Variants in RBFOX1 observed in about 807,000 individuals in gnomAD.
The protein encoded by RBFOX1 is RNA binding fox-1 homolog 1.
A neutral mutation model predicts 57.7 loss-of-function variants in RBFOX1; 8 were observed. The observed-to-expected ratio is 0.14, with a 90% CI of 0.08 to 0.25. RBFOX1 has a LOEUF of 0.25. Ranked by LOEUF, RBFOX1 falls within the 10% of genes least tolerant of loss-of-function variation. The pLI is 1.00. For synonymous variants in RBFOX1, 326 were observed against 222.4 expected (o/e 1.47, Z -4.15); for missense variants, 611 against 548.5 (o/e 1.11, Z -1.14).
At chr16:6,026,107 C>G (rs2152374252) in intron 1 of RBFOX1, among the ~76,000 whole-genome samples, 1 of 152,290 alleles carries the variant, frequency 6.6e-6, no homozygotes, top group East Asian at 1.9e-4. Context: ...GAAACTGTCC[C>G]TGTTTGCCTG....
chr16:7,474,303 A>C (rs990791278), intron 4 of RBFOX1, among the ~76,000 whole-genome samples: 2 of 151,644 alleles, frequency 1.3e-5, no homozygotes, highest in Non-Finnish European at 1.5e-5. Flanking sequence ...AACAGAAAAC[A>C]AACAAACAAA....
At chr16:6,904,112 A>T (rs376216744) in intron 3 of RBFOX1, among the ~76,000 whole-genome samples, 1 of 152,122 alleles carries the variant, frequency 6.6e-6, no homozygotes, top group East Asian at 1.9e-4. Flanking sequence ...CCACCCCTAT[A>T]CCTAATAGTG....
intron 4 of RBFOX1, among the ~76,000 whole-genome samples, chr16:7,186,362 TTATA>T (rs1567618213): frequency 2.7e-5 from 1 of 36,588 alleles, no homozygotes; most frequent in African/African-American, 2.2e-4. Flanking sequence ...ATAAACATAT[TTATA>T]TAAATATAAA....
chr16:6,920,020 A>G (rs1277771667), intron 3 of RBFOX1, among the ~76,000 whole-genome samples: 5 of 151,940 alleles, frequency 3.3e-5, no homozygotes, highest in Non-Finnish European at 7.4e-5. Context: ...CCCTTATAAG[A>G]CGGAAAATAT....
intron 3 of RBFOX1, among the ~76,000 whole-genome samples, chr16:5,831,934 C>T (rs942812995): frequency 2.6e-5 from 4 of 152,084 alleles, no homozygotes; most frequent in African/African-American, 9.7e-5. Flanking sequence ...GAGTTCGGCA[C>T]ATGGTAAGTA....
rs531410537 is a variant in RBFOX1, at chr16:6,191,661, A to G, written c.-126-125334A>G. On this transcript the variant is annotated intron_variant, in intron 1 of 15. Transcript: ENST00000550418. ...CTGTAATTTTTTTGTTGCATGGTCC[A>G]AAAGGCAATTTCTGTTGCCTTTTTA... Among the ~76,000 whole-genome samples the G allele has an allele frequency of 3.2e-4, 48 of 152,328 alleles. No homozygotes were observed. The South Asian group carries it at 9.5e-3, about 30-fold the overall frequency.
At chr16:5,614,245 T>C (rs960140791) in intron 3 of RBFOX1, among the ~76,000 whole-genome samples, 8 of 152,108 alleles carry the variant, frequency 5.3e-5, no homozygotes, top group African/African-American at 1.7e-4. Flanking sequence ...ATTTTTAAAC[T>C]AGAAGAAAAC....
intron 1 of RBFOX1, among the ~76,000 whole-genome samples, chr16:5,301,079 C>G (rs569871507): frequency 2.0e-5 from 3 of 152,318 alleles, no homozygotes; most frequent in African/African-American, 7.2e-5. Context: ...AATCTAGTGA[C>G]TCACTTGTAA....
At chr16:6,931,093 GAATA>G (rs1402516605) in intron 3 of RBFOX1, among the ~76,000 whole-genome samples, 2 of 151,900 alleles carry the variant, frequency 1.3e-5, no homozygotes, top group Non-Finnish European at 2.9e-5. Flanking sequence ...AGCAGATATT[GAATA>G]AATACTTATT....
intron 4 of RBFOX1, among the ~76,000 whole-genome samples, chr16:5,890,191 T>A (rs2151933077): frequency 6.6e-6 from 1 of 152,344 alleles, no homozygotes; most frequent in Middle Eastern, 3.4e-3. Context: ...AGTACGATAC[T>A]GTACCTCTTT....
intron 3 of RBFOX1, among the ~76,000 whole-genome samples, chr16:6,674,561 A>G (rs1176156119): frequency 2.0e-5 from 3 of 152,068 alleles, no homozygotes; most frequent in African/African-American, 4.8e-5. Context: ...ACCTCAAGTG[A>G]TCCACCCACC....
intron 2 of RBFOX1, among the ~76,000 whole-genome samples, chr16:5,570,142 G>C (rs569950335): frequency 6.6e-6 from 1 of 152,258 alleles, no homozygotes; most frequent in African/African-American, 2.4e-5. Context: ...CAAATATTCG[G>C]AGGTTTATTG....
At chr16:7,430,645 G>T (rs2098670002) in intron 4 of RBFOX1, among the ~76,000 whole-genome samples, 1 of 136,786 alleles carries the variant, frequency 7.3e-6, no homozygotes, top group African/African-American at 2.9e-5. Context: ...GGGTGACAGA[G>T]TGAGACTCCA....
chr16:7,452,175 G>C lies in RBFOX1; in HGVS notation c.28-65972G>C, dbSNP rs139365694. Among the ~76,000 whole-genome samples, 659 of 152,340 alleles carry C rather than the reference G, an allele frequency of 4.3e-3. 4 individuals are homozygous for C. Among genetic ancestry groups the C allele is most frequent in the African/African-American group, 0.015 (634 of 41,572 alleles). ...CCAGCCAAGTTACAGGCAGGTGGCAGCTGTAAATACGCATATAAATAACAA... is the reference window on the plus strand; with the variant it reads ...CCAGCCAAGTTACAGGCAGGTGGCACCTGTAAATACGCATATAAATAACAA... On this transcript the variant is annotated intron_variant, in intron 4 of 15. Transcript: ENST00000550418.
At chr16:5,700,474 A>G (rs1484095658) in intron 3 of RBFOX1, among the ~76,000 whole-genome samples, 1 of 152,156 alleles carries the variant, frequency 6.6e-6, no homozygotes, top group East Asian at 1.9e-4. Context: ...CATGAAGTCT[A>G]CGTGTCTTTC....
chr16:5,848,527 T>C, intron 3 of RBFOX1, among the ~76,000 whole-genome samples: 1 of 152,154 alleles, frequency 6.6e-6, no homozygotes, highest in East Asian at 1.9e-4. Flanking sequence ...GAACTATGGG[T>C]AAAACAAAGT....
At chr16:5,992,508 G>A (rs1213464206) in intron 4 of RBFOX1, among the ~76,000 whole-genome samples, 1 of 152,172 alleles carries the variant, frequency 6.6e-6, no homozygotes, top group Non-Finnish European at 1.5e-5. Context: ...CCTGCAACTG[G>A]TATGAGTCAC....
At chr16:5,771,704 C>T (rs894615900) in intron 3 of RBFOX1, among the ~76,000 whole-genome samples, 2 of 152,198 alleles carry the variant, frequency 1.3e-5, no homozygotes, top group Admixed American at 6.5e-5. Context: ...CTACCACACC[C>T]CACCAAAAGC....
intron 1 of RBFOX1, among the ~76,000 whole-genome samples, chr16:6,236,088 G>A (rs1256905854): frequency 6.6e-6 from 1 of 152,178 alleles, no homozygotes; most frequent in Non-Finnish European, 1.5e-5. Flanking sequence ...CTGGACTAGA[G>A]TTTCTCATAG....
Sources: allele counts gnomAD v4.1 joint callset (sites outside exome capture counted in the v4.1 genomes callset), GRCh38; gene constraint gnomAD v4.1.1; transcripts MANE v1.5; gene names NCBI Gene and HGNC (gene_info 2026-07-23, HGNC 2026-07-21).